Variants in SLC48A1 observed in about 807,000 individuals in gnomAD.
The protein encoded by SLC48A1 is solute carrier family 48 member 1.
SLC48A1 carries 6 observed loss-of-function variants against 14.8 expected under a neutral mutation model. The ratio of observed to expected loss-of-function variants is 0.41; its 90% confidence interval spans 0.22 to 0.80. The LOEUF (loss-of-function observed/expected upper bound fraction) is 0.80, where lower values mean the gene tolerates loss of function less well. SLC48A1 is among the 30% of genes least tolerant of loss of function. The probability of loss-of-function intolerance (pLI) is 0.34; values close to 1 mark genes in which losing one functional copy is unlikely to be tolerated. For synonymous variants in SLC48A1, 89 were observed against 90.0 expected (o/e 0.99, Z 0.06); for missense variants, 165 against 204.8 (o/e 0.81, Z 1.19).
intron 2 of SLC48A1, chr12:47,760,495 T>A: frequency 1.3e-6 from 1 of 760,814 alleles, no homozygotes; most frequent in Non-Finnish European, 1.6e-6. Flanking sequence ...GAAGGCTTCC[T>A]GAGACTGGCA....
At chr12:47,778,772 C>A in intron 1 of SLC48A1, 1 of 419,754 alleles carries the variant, frequency 2.4e-6, no homozygotes, top group South Asian at 6.2e-5. Context: ...TCATGTTTTC[C>A]AAAACAAAAT....
chr12:47,758,675 A>G lies in SLC48A1; in HGVS notation c.-373+15A>G, dbSNP rs531603776. The G allele has an allele frequency of 9.5e-5, 145 of 1,521,340 alleles. No individual in the cohort carries two copies. The Middle Eastern group carries it at 1.6e-3, about 17-fold the overall frequency. 94.2% of individuals were successfully genotyped at this position (1,521,340 alleles called of 1,614,324 possible). A position where few individuals can be genotyped will look rare whatever the true frequency, so the allele number is the denominator to read the frequency against. On this transcript the variant is annotated intron_variant, in intron 1 of 4. Coordinates refer to the SLC48A1 transcript ENST00000547002. ...GGTGCCAGTGGGTAAGTCCAGGTAC[A>G]GTGAACTGGGCCAGTGCCTAGCTGG...
At chr12:47,755,523 C>T (rs544064478), upstream of SLC48A1, among the ~76,000 whole-genome samples, 13 of 152,210 alleles carry the variant, frequency 8.5e-5, no homozygotes, top group Non-Finnish European at 1.9e-4. Flanking sequence ...TCACTCTGAT[C>T]TTGCCCCTGC....
chr12:47,770,454 C>G (rs1198227038), upstream of SLC48A1, among the ~76,000 whole-genome samples: 4 of 152,142 alleles, frequency 2.6e-5, no homozygotes, highest in Admixed American at 2.6e-4. Flanking sequence ...GCCCCTCATC[C>G]TCTCTTGCCA....
intron 2 of SLC48A1, among the ~76,000 whole-genome samples, chr12:47,765,565 C>A (rs550791834): frequency 9.2e-5 from 14 of 152,220 alleles, no homozygotes; most frequent in Non-Finnish European, 2.1e-4. Context: ...GCTGAGGGTG[C>A]CTGCTGGGCC....
At chr12:47,776,217 G>A (rs767503416) in intron 1 of SLC48A1, among the ~76,000 whole-genome samples, 2 of 152,172 alleles carry the variant, frequency 1.3e-5, no homozygotes, top group East Asian at 1.9e-4. Flanking sequence ...TGCTTTCACC[G>A]CCCTACCCTA....
chr12:47,779,235 A>G, intron 2 of SLC48A1, 40 bp downstream of exon 2: 2 of 1,526,494 alleles, frequency 1.3e-6, no homozygotes, highest in Non-Finnish European at 8.8e-7. Flanking sequence ...TGGGAGGGAC[A>G]GCAGCGGGGA....
At chr12:47,773,782 C>A (rs1414620671) in intron 1 of SLC48A1, among the ~76,000 whole-genome samples, 2 of 152,150 alleles carry the variant, frequency 1.3e-5, no homozygotes, top group Non-Finnish European at 2.9e-5. Context: ...TCCGCGCGCC[C>A]GCGGCGCTGG....
At chr12:47,758,910 C>T (rs1233097360) in intron 1 of SLC48A1, 15 of 1,081,292 alleles carry the variant, frequency 1.4e-5, no homozygotes, top group African/African-American at 1.6e-5. Flanking sequence ...GCTGTCACAC[C>T]CCCTGCGCTG....
At chr12:47,770,896 C>A, upstream of SLC48A1, 1 of 456,686 alleles carries the variant, frequency 2.2e-6, no homozygotes, top group South Asian at 1.5e-5. Context: ...CCCTCTGCGC[C>A]ATCACACGTG....
chr12:47,774,214 A>G (rs1409104281), intron 1 of SLC48A1, among the ~76,000 whole-genome samples: 1 of 152,220 alleles, frequency 6.6e-6, no homozygotes, highest in Non-Finnish European at 1.5e-5. Flanking sequence ...TGTTGTGCAC[A>G]TTTGGGCTCG....
intron 1 of SLC48A1, chr12:47,778,806 T>G: frequency 2.1e-6 from 1 of 470,742 alleles, no homozygotes; most frequent in South Asian, 4.6e-5. Context: ...ATGGTAGGGT[T>G]TTGTATTTCT....
intron 2 of SLC48A1, among the ~76,000 whole-genome samples, chr12:47,764,880 C>A (rs1455691576): frequency 6.6e-6 from 1 of 151,872 alleles, no homozygotes; most frequent in Admixed American, 6.6e-5. Flanking sequence ...AGATCGAGAC[C>A]ATCCTGGCCA....
intron 2 of SLC48A1, among the ~76,000 whole-genome samples, chr12:47,765,350 G>T (rs376440528): frequency 5.8e-4 from 88 of 152,336 alleles, no homozygotes; most frequent in African/African-American, 1.9e-3. Context: ...CCTTGCGGGG[G>T]ATAGAGAGGC....
At chr12:47,775,318 C>T (rs1257249461) in intron 1 of SLC48A1, among the ~76,000 whole-genome samples, 1 of 152,214 alleles carries the variant, frequency 6.6e-6, no homozygotes, top group African/African-American at 2.4e-5. Flanking sequence ...CTTCCCTTGG[C>T]CTATGAGGCA....
chr12:47,774,591 C>A (rs575666297), intron 1 of SLC48A1, among the ~76,000 whole-genome samples: 52 of 152,310 alleles, frequency 3.4e-4, no homozygotes, highest in Non-Finnish European at 7.2e-4. Flanking sequence ...CTAAAAATAA[C>A]TAATTTACTC....
chr12:47,758,524 C>T (rs1942241935), upstream of SLC48A1: 6 of 1,613,462 alleles, frequency 3.7e-6, no homozygotes, highest in East Asian at 2.2e-5. Flanking sequence ...TCCTGCTCCT[C>T]CTCAACCCTG....
chr12:47,780,340 A>T lies in SLC48A1; in HGVS notation c.*59A>T, dbSNP rs547765454. 10 of 1,612,188 alleles carry T rather than the reference A, an allele frequency of 6.2e-6. No individual in the cohort carries two copies. The Admixed American group carries it at 6.7e-5, about 11-fold the overall frequency. On this transcript the variant is annotated 3_prime_UTR_variant, in exon 3 of 3. Coordinates refer to ENST00000442218, the MANE Select transcript of SLC48A1 (RefSeq NM_017842.3). Reference sequence around the variant, plus strand: ...CCTTAGGACCTGGACTCAGCCTCTGAGATGTTGGGAGAGGCTACTCCCACC... The same window carrying T: ...CCTTAGGACCTGGACTCAGCCTCTGTGATGTTGGGAGAGGCTACTCCCACC...
At chr12:47,754,861 G>T (rs190108320), upstream of SLC48A1, among the ~76,000 whole-genome samples, 1 of 152,280 alleles carries the variant, frequency 6.6e-6, no homozygotes, top group Non-Finnish European at 1.5e-5. Context: ...GAACAGAAAG[G>T]GTTCAGGGCG....
Sources: gnomAD v4.1 joint callset for allele counts (sites outside exome capture counted in the v4.1 genomes callset) on GRCh38, gnomAD v4.1.1 for gene constraint, MANE v1.5 for transcripts, NCBI Gene and HGNC (gene_info 2026-07-23, HGNC 2026-07-21) for gene names.